Variants in PAX7 observed in about 807,000 individuals in gnomAD.
PAX7 encodes paired box 7.
Under a neutral mutation model 50.7 loss-of-function variants are expected in PAX7, and 18 were observed. The observed-to-expected ratio is 0.36, with a 90% CI of 0.25 to 0.53. The LOEUF (loss-of-function observed/expected upper bound fraction) is 0.53. Among genes scored for constraint, PAX7 ranks in the 20% least tolerant of loss-of-function variants. The pLI is 0.93. For missense variants in PAX7, 644 were observed against 702.9 expected (o/e 0.92, Z 0.95); for synonymous variants, 310 against 290.4 (o/e 1.07, Z -0.69).
rs2089242687 is a variant in PAX7 at position 18,703,135 on chromosome 1, T to C, written c.994T>C (p.Ser332Pro). Reference sequence around the variant, plus strand: ...GCACCGGCCTCAGCCCCTGCCACCGTCCACCATGCACCAGGGCGGGCTGGC... The same window carrying C: ...GCACCGGCCTCAGCCCCTGCCACCGCCCACCATGCACCAGGGCGGGCTGGC... Reference protein sequence around the residue: ...TVHRPQPLPPSTMHQGGLAAA... With the variant: ...TVHRPQPLPPPTMHQGGLAAA... The change falls in exon 7 of 9, where the codon TCC (serine) becomes CCC (proline). Residue 332 changes from serine (S) to proline (P), a missense_variant. Physicochemically the swap from Ser to Pro is moderately conservative, Grantham distance 74 (BLOSUM62 -1). Coordinates refer to ENST00000420770, the MANE Select transcript of PAX7 (RefSeq NM_001135254.2). The C allele has an allele frequency of 3.7e-6, 6 of 1,613,840 alleles. No individual in the cohort carries two copies. Among genetic ancestry groups the C allele is most frequent in the Non-Finnish European group, 5.1e-6 (6 of 1,179,952 alleles).
intron 7 of PAX7, among the ~76,000 whole-genome samples, chr1:18,722,514 A>T (rs1181266286): frequency 6.6e-6 from 1 of 152,040 alleles, no homozygotes; most frequent in Non-Finnish European, 1.5e-5. Flanking sequence ...TTTATCCTCG[A>T]TAAGTGGATT....
chr1:18,632,712 C>T lies in PAX7; in HGVS notation c.85+1024C>T, dbSNP rs1158941132. On this transcript the variant is annotated intron_variant, in intron 1 of 8. Transcript: ENST00000420770. The surrounding 1 kb of genome is among the most constrained non-coding windows in gnomAD (Gnocchi z 6.3). The stretch of plus-strand genomic sequence containing the variant: ...GGCGCGTGAGGAAGGGGAGAGGAGG[C>T]AGGGAGGGGGTGGGTGGGCTGGCAG... 3.0e-5 allele frequency among the ~76,000 whole-genome samples: 1 copy of T among 33,028 alleles called. No homozygotes were observed. Among genetic ancestry groups the T allele is most frequent in the African/African-American group, 1.2e-4 (1 of 8,474 alleles). 21.7% of individuals were successfully genotyped at this position (33,028 alleles called of 152,430 possible).
At chr1:18,640,765 A>T (rs925575432) in intron 4 of PAX7, among the ~76,000 whole-genome samples, 2 of 149,066 alleles carry the variant, frequency 1.3e-5, no homozygotes, top group Non-Finnish European at 3.0e-5. Flanking sequence ...TCCCGGCTTT[A>T]GGCAGCGCTC....
chr1:18,687,848 G>A (rs989309797), intron 4 of PAX7, among the ~76,000 whole-genome samples: 2 of 152,082 alleles, frequency 1.3e-5, no homozygotes, highest in Non-Finnish European at 2.9e-5. Flanking sequence ...TTCGGTCTGG[G>A]CATCTCTCTG....
At chr1:18,696,928 G>C (rs769753554) in intron 5 of PAX7, among the ~76,000 whole-genome samples, 1 of 152,064 alleles carries the variant, frequency 6.6e-6, no homozygotes, top group Non-Finnish European at 1.5e-5. Flanking sequence ...GTAACACAAA[G>C]GGTAAATGCT....
intron 7 of PAX7, among the ~76,000 whole-genome samples, chr1:18,716,606 C>G (rs960179847): frequency 1.3e-5 from 2 of 151,734 alleles, no homozygotes; most frequent in African/African-American, 4.9e-5. Context: ...CCTGTGCCAC[C>G]ACCCCCTTGC....
At chr1:18,729,671 T>A (rs1361477154) in intron 7 of PAX7, among the ~76,000 whole-genome samples, 2 of 152,114 alleles carry the variant, frequency 1.3e-5, no homozygotes, top group African/African-American at 4.8e-5. Flanking sequence ...CTGTGCAGTG[T>A]GTGTGTTGTG....
intron 8 of PAX7, among the ~76,000 whole-genome samples, chr1:18,739,461 G>A (rs1184886963): frequency 2.0e-5 from 3 of 152,314 alleles, no homozygotes; most frequent in African/African-American, 2.4e-5. Flanking sequence ...AAGGAGGAAC[G>A]ACCATTTATT....
At chr1:18,653,671 G>A (rs1046071874) in intron 4 of PAX7, among the ~76,000 whole-genome samples, 8 of 151,456 alleles carry the variant, frequency 5.3e-5, no homozygotes, top group South Asian at 2.1e-4. Flanking sequence ...GGCACAGGTC[G>A]GGGGGGTTGT....
intron 4 of PAX7, among the ~76,000 whole-genome samples, chr1:18,691,280 C>T (rs977276472): frequency 6.6e-6 from 1 of 152,162 alleles, no homozygotes; most frequent in Non-Finnish European, 1.5e-5. Flanking sequence ...TACATGGAGG[C>T]CTTTTTCTTA....
intron 5 of PAX7, among the ~76,000 whole-genome samples, chr1:18,693,410 C>T (rs955266899): frequency 1.3e-5 from 2 of 152,156 alleles, no homozygotes; most frequent in African/African-American, 4.8e-5. Flanking sequence ...AGCAACATGC[C>T]CAGGGGCACA....
chr1:18,676,661 C>G (rs1464955568), intron 4 of PAX7, among the ~76,000 whole-genome samples: 1 of 152,178 alleles, frequency 6.6e-6, no homozygotes, highest in Non-Finnish European at 1.5e-5. Context: ...TCCCCTCCCC[C>G]ACAGGAAGCA....
chr1:18,740,737 A>G (rs934190296), intron 8 of PAX7, among the ~76,000 whole-genome samples: 3 of 152,250 alleles, frequency 2.0e-5, no homozygotes, highest in Non-Finnish European at 4.4e-5. Flanking sequence ...CAAGACGTAG[A>G]ATCAACCTAA....
intron 7 of PAX7, among the ~76,000 whole-genome samples, chr1:18,724,466 C>G (rs2089531852): frequency 6.6e-6 from 1 of 152,252 alleles, no homozygotes; most frequent in Admixed American, 6.5e-5. Context: ...CCAGGTCACC[C>G]AGAAAACCAA....
At chr1:18,737,551 G>T (rs544189602) in intron 8 of PAX7, among the ~76,000 whole-genome samples, 2 of 152,254 alleles carry the variant, frequency 1.3e-5, no homozygotes, top group South Asian at 4.1e-4. Flanking sequence ...GTGTGCATGT[G>T]ATGCTTCTAT....
chr1:18,725,558 G>A (rs1340301400), intron 7 of PAX7, among the ~76,000 whole-genome samples: 2 of 152,234 alleles, frequency 1.3e-5, no homozygotes, highest in Non-Finnish European at 1.5e-5. Context: ...AAGGGAGGGG[G>A]AGGAGATGGG....
At position 18,672,604 on chromosome 1, in the gene PAX7, T is replaced by TG. The variant is rs2088767642; in HGVS notation, c.587-19150_587-19149insG. 3.4e-5 allele frequency among the ~76,000 whole-genome samples: 5 copies of TG among 147,586 alleles called. No homozygotes were observed. The South Asian group carries it at 1.1e-3, about 32-fold the overall frequency. On this transcript the variant is annotated intron_variant, in intron 4 of 8. Coordinates refer to ENST00000420770, the MANE Select transcript of PAX7 (RefSeq NM_001135254.2). ...AGACTGGAGAGCACTGTGTTTTTTT[T>TG]TTTTTTTTTTTTTGTGAGACTAAGT...
chr1:18,703,247 C>A lies in PAX7; in HGVS notation c.1106C>A (p.Ala369Glu). ...SSYSDSFMNP[A>E]APSNHMNPVS... The stretch of plus-strand genomic sequence containing the variant: ...TACTCTGACAGCTTCATGAATCCGG[C>A]GGCGCCCTCCAACCACATGAACCCG... Residue 369 changes from alanine to glutamate, a missense_variant, in exon 7 of 9, where the codon GCG (alanine) becomes GAG (glutamate). Ala to Glu is a moderately radical substitution (Grantham distance 107). Coordinates refer to ENST00000420770, the MANE Select transcript of PAX7 (RefSeq NM_001135254.2). 2 of 1,614,196 alleles carry A rather than the reference C, an allele frequency of 1.2e-6. No individual in the cohort carries two copies. Among genetic ancestry groups the A allele is most frequent in the Non-Finnish European group, 1.7e-6 (2 of 1,180,032 alleles).
intron 7 of PAX7, among the ~76,000 whole-genome samples, chr1:18,712,039 C>T (rs1294305552): frequency 6.6e-6 from 1 of 152,198 alleles, no homozygotes; most frequent in East Asian, 1.9e-4. Flanking sequence ...CCCCCAATCC[C>T]CCAGGGCTTT....
Sources: allele counts gnomAD v4.1 joint callset (sites outside exome capture counted in the v4.1 genomes callset), GRCh38; gene constraint gnomAD v4.1.1; non-coding constraint Gnocchi (gnomAD v3.1); transcripts MANE v1.5; gene names NCBI Gene and HGNC (gene_info 2026-07-23, HGNC 2026-07-21).